Variants in KANSL1L observed in about 807,000 individuals in gnomAD.
The protein encoded by KANSL1L is KAT8 regulatory NSL complex subunit 1-like protein.
A neutral mutation model predicts 108.6 loss-of-function variants in KANSL1L; 25 were observed. The observed-to-expected ratio is 0.23, with a 90% CI of 0.17 to 0.32. The LOEUF is 0.32. Ranked by LOEUF, KANSL1L falls within the 10% of genes least tolerant of loss-of-function variation. The probability of loss-of-function intolerance (pLI) is 1.00; values close to 1 mark genes in which losing one functional copy is unlikely to be tolerated. For synonymous variants in KANSL1L, 405 were observed against 395.1 expected (o/e 1.03, Z -0.30); for missense variants, 1,137 against 1,125.7 (o/e 1.01, Z -0.14).
At chr2:210,086,753 T>C (rs1323482804) in intron 5 of KANSL1L, among the ~76,000 whole-genome samples, 5 of 151,976 alleles carry the variant, frequency 3.3e-5, no homozygotes, top group East Asian at 1.9e-4. Context: ...CCACAAAAAT[T>C]AGTATATAGA....
At chr2:210,051,492 T>G (rs2094292029) in intron 6 of KANSL1L, among the ~76,000 whole-genome samples, 2 of 152,178 alleles carry the variant, frequency 1.3e-5, no homozygotes, top group Non-Finnish European at 2.9e-5. Context: ...TTTAATTGGT[T>G]ATTACTAATG....
intron 2 of KANSL1L, among the ~76,000 whole-genome samples, chr2:210,140,374 T>A (rs2095216973): frequency 6.6e-6 from 1 of 152,218 alleles, no homozygotes; most frequent in African/African-American, 2.4e-5. Context: ...TCCTTTGATA[T>A]GTAGATAACC....
chr2:210,073,289 G>C (rs2094519920), intron 6 of KANSL1L, among the ~76,000 whole-genome samples: 1 of 152,144 alleles, frequency 6.6e-6, no homozygotes, highest in Non-Finnish European at 1.5e-5. Context: ...CAAAATATGA[G>C]TTCCAGACAT....
At chr2:210,081,939 T>A (rs1448338599) in intron 5 of KANSL1L, among the ~76,000 whole-genome samples, 1 of 152,130 alleles carries the variant, frequency 6.6e-6, no homozygotes, top group Non-Finnish European at 1.5e-5. Flanking sequence ...AAAGTTAGGG[T>A]TTTTTGTTTT....
At chr2:210,040,237 G>T in intron 8 of KANSL1L, 183 bp downstream of exon 8, 1 of 496,286 alleles carries the variant, frequency 2.0e-6, no homozygotes, top group Non-Finnish European at 3.6e-6. Flanking sequence ...AATAGGTATC[G>T]CACATTTCAT....
At chr2:210,145,814 T>G (rs529706226) in intron 2 of KANSL1L, among the ~76,000 whole-genome samples, 1 of 152,296 alleles carries the variant, frequency 6.6e-6, no homozygotes, top group East Asian at 1.9e-4. Flanking sequence ...ATGATGGTTC[T>G]TGTGTTTGAG....
intron 1 of KANSL1L, among the ~76,000 whole-genome samples, chr2:210,156,034 T>C (rs368613533): frequency 4.6e-5 from 7 of 152,238 alleles, no homozygotes; most frequent in African/African-American, 9.6e-5. Flanking sequence ...AATGACAGAC[T>C]AGGAGAAAAT....
intron 1 of KANSL1L, among the ~76,000 whole-genome samples, chr2:210,161,049 C>T (rs1424841930): frequency 1.4e-5 from 2 of 144,482 alleles, no homozygotes; most frequent in Non-Finnish European, 3.0e-5. Flanking sequence ...AGTGCAATGG[C>T]GTGATCTCGG....
At chr2:210,168,321 T>C (rs887732010) in intron 1 of KANSL1L, among the ~76,000 whole-genome samples, 5 of 151,938 alleles carry the variant, frequency 3.3e-5, no homozygotes, top group African/African-American at 4.8e-5. Context: ...TAATACTATA[T>C]AGACAAAATA....
intron 5 of KANSL1L, among the ~76,000 whole-genome samples, chr2:210,086,693 TAATACTTA>T (rs1175699033): frequency 2.6e-5 from 4 of 152,222 alleles, no homozygotes; most frequent in African/African-American, 9.6e-5. Flanking sequence ...AAGTATGAGT[TAATACTTA>T]AATACTTAAG....
chr2:210,059,137 CAA>C (rs71043969), intron 6 of KANSL1L, among the ~76,000 whole-genome samples: 36 of 71,784 alleles, frequency 5.0e-4, no homozygotes, highest in Admixed American at 6.3e-4. Flanking sequence ...GACTCCGTCT[CAA>C]AAAAAAAAAA....
intron 11 of KANSL1L, among the ~76,000 whole-genome samples, chr2:210,027,593 A>G (rs1467465850): frequency 6.6e-6 from 1 of 152,228 alleles, no homozygotes; most frequent in Non-Finnish European, 1.5e-5. Flanking sequence ...CATTTTATAC[A>G]TAATAATTAT....
At chr2:210,066,590 G>T (rs1458172216) in intron 6 of KANSL1L, among the ~76,000 whole-genome samples, 1 of 152,168 alleles carries the variant, frequency 6.6e-6, no homozygotes, top group Non-Finnish European at 1.5e-5. Context: ...TGTTGCCTAG[G>T]GTGGTCTTGA....
intron 5 of KANSL1L, among the ~76,000 whole-genome samples, chr2:210,079,648 A>ATGTG (rs1553653241): frequency 5.3e-4 from 8 of 15,198 alleles, no homozygotes; most frequent in East Asian, 2.5e-3. Flanking sequence ...ATATATATAT[A>ATGTG]TATATATATA....
intron 6 of KANSL1L, among the ~76,000 whole-genome samples, chr2:210,048,962 T>C (rs2094257215): frequency 6.6e-6 from 1 of 152,174 alleles, no homozygotes; most frequent in Non-Finnish European, 1.5e-5. Context: ...GCCTGACTTA[T>C]TATAAATTCT....
At chr2:210,053,604 C>T (rs1440128674) in intron 6 of KANSL1L, among the ~76,000 whole-genome samples, 1 of 151,506 alleles carries the variant, frequency 6.6e-6, no homozygotes, top group Middle Eastern at 3.4e-3. Flanking sequence ...TCAACACAAA[C>T]AAACAGAAAA....
chr2:210,084,389 T>C (rs954816160), intron 5 of KANSL1L, among the ~76,000 whole-genome samples: 2 of 151,416 alleles, frequency 1.3e-5, no homozygotes, highest in South Asian at 2.1e-4. Context: ...ACCACTGCAC[T>C]CCAGTCTGGG....
At chr2:210,038,645 T>G (rs947463002) in intron 8 of KANSL1L, among the ~76,000 whole-genome samples, 9 of 152,018 alleles carry the variant, frequency 5.9e-5, no homozygotes, top group African/African-American at 2.2e-4. Flanking sequence ...GAAATGTATT[T>G]TAATGTTCAT....
In KANSL1L at chr2:210,021,794, C is replaced by G. The variant is rs1355526895; in HGVS notation, c.*1155G>C. 1 of 151,612 alleles carries G rather than the reference C, an allele frequency of 6.6e-6. No individual in the cohort carries two copies. Among genetic ancestry groups the G allele is most frequent in the Non-Finnish European group, 1.5e-5 (1 of 67,882 alleles). The allele number at this position is 151,612 out of a possible 1,614,324, so 9.4% of individuals were successfully genotyped here. On this transcript the variant is annotated 3_prime_UTR_variant, in exon 15 of 15. Coordinates refer to ENST00000281772, the MANE Select transcript of KANSL1L (RefSeq NM_152519.4). ...ACATAGGAAAAAAATGGTTTAATAG[C>G]TTCAAAAGGAATTTTCTTTCATGTA...
Sources: gnomAD v4.1 joint callset for allele counts (sites outside exome capture counted in the v4.1 genomes callset) on GRCh38, gnomAD v4.1.1 for gene constraint, MANE v1.5 for transcripts, NCBI Gene and HGNC (gene_info 2026-07-23, HGNC 2026-07-21) for gene names.